The following MAP4K3 variants were observed in gnomAD, a reference collection of about 807,000 sequenced individuals.
The protein encoded by MAP4K3 is MAPK/ERK kinase kinase kinase 3.
In MAP4K3, 94 loss-of-function variants were observed where a neutral mutation model predicts 143.5. The observed-to-expected ratio is 0.65, with a 90% CI of 0.55 to 0.78. The LOEUF (loss-of-function observed/expected upper bound fraction) is 0.78. Ranked by LOEUF, MAP4K3 falls within the 30% of genes least tolerant of loss-of-function variation. The probability of loss-of-function intolerance (pLI) is 0.00; values close to 1 mark genes in which losing one functional copy is unlikely to be tolerated. For missense variants in MAP4K3, 1,077 were observed against 1,068.1 expected (o/e 1.01, Z -0.12); for synonymous variants, 416 against 347.2 (o/e 1.20, Z -2.20).
rs60507971 is a variant in MAP4K3, at chr2:39,398,713, A to AAATAATAATAAT, written c.97-20602_97-20591dup. 7.5e-3 allele frequency among the ~76,000 whole-genome samples: 1,046 copies of AAATAATAATAAT among 140,398 alleles called. 12 individuals are homozygous for AAATAATAATAAT. Among genetic ancestry groups the AAATAATAATAAT allele is most frequent in the East Asian group, 0.025 (124 of 4,882 alleles). The allele number at this position is 140,398 out of a possible 152,430, so 92.1% of individuals were successfully genotyped here. On this transcript the variant is annotated intron_variant, in intron 1 of 33. Coordinates refer to ENST00000263881, the MANE Select transcript of MAP4K3 (RefSeq NM_003618.4). Reference sequence around the variant, plus strand: ...CCTTTGATGGTTTCAGGAATAATTAAAATAATAATAATAATAATAATAATA... The same window carrying AAATAATAATAAT: ...CCTTTGATGGTTTCAGGAATAATTAAAATAATAATAATAATAATAATAATAATAATAATAATA...
intron 1 of MAP4K3, among the ~76,000 whole-genome samples, chr2:39,380,153 C>T (rs552104170): frequency 1.3e-5 from 2 of 152,110 alleles, no homozygotes; most frequent in East Asian, 3.9e-4. Flanking sequence ...GATTACTGTT[C>T]TTTTGCTTTC....
intron 1 of MAP4K3, among the ~76,000 whole-genome samples, chr2:39,428,160 A>G (rs1307080430): frequency 1.3e-5 from 2 of 152,196 alleles, no homozygotes; most frequent in Non-Finnish European, 2.9e-5. Flanking sequence ...TGTTCCATAC[A>G]TGCAGATTTT....
At chr2:39,257,759 A>G (rs950929892) in intron 31 of MAP4K3, among the ~76,000 whole-genome samples, 8 of 144,930 alleles carry the variant, frequency 5.5e-5, no homozygotes, top group African/African-American at 2.1e-4. Context: ...AGACTGCACC[A>G]TTGCACTCCA....
rs1427738038 is a variant in MAP4K3 at position 39,315,441 on chromosome 2, T to A, written c.919-53A>T. 9.0e-5 allele frequency: 114 copies of A among 1,269,908 alleles called. No homozygotes were observed. In the Middle Eastern group the frequency reaches 1.5e-3, roughly 17 times the overall value. 78.7% of individuals were successfully genotyped at this position (1,269,908 alleles called of 1,614,324 possible). A position where few individuals can be genotyped will look rare whatever the true frequency, so the allele number is the denominator to read the frequency against. On this transcript the variant is annotated intron_variant, in intron 12 of 33. Transcript: ENST00000263881. Reference sequence around the variant, plus strand: ...CAGCATTTGATAATCAAGTCATAGTTTGGTCCACAAAATTACCCAAATAGG... The same window carrying A: ...CAGCATTTGATAATCAAGTCATAGTATGGTCCACAAAATTACCCAAATAGG...
chr2:39,392,183 C>CA lies in MAP4K3; in HGVS notation c.97-14061dup, dbSNP rs3086434. Among the ~76,000 whole-genome samples the CA allele has an allele frequency of 5.6e-4, 39 of 69,034 alleles. 2 individuals carry two copies. Among genetic ancestry groups the CA allele is most frequent in the African/African-American group, 1.9e-3 (33 of 17,424 alleles). 45.3% of individuals were successfully genotyped at this position (69,034 alleles called of 152,430 possible). On this transcript the variant is annotated intron_variant, in intron 1 of 33. Transcript: ENST00000263881. ...CTGGCAACAGAACGACACTCCTACTCAAAAAAAAAAAAAAAAAAAAAATTA... is the reference window on the plus strand; with the variant it reads ...CTGGCAACAGAACGACACTCCTACTCAAAAAAAAAAAAAAAAAAAAAAATTA...
At chr2:39,278,806 G>C (rs765082211) in intron 23 of MAP4K3, among the ~76,000 whole-genome samples, 1 of 152,078 alleles carries the variant, frequency 6.6e-6, no homozygotes, top group African/African-American at 2.4e-5. Context: ...CTAAAGACAG[G>C]ATCATGTGCA....
intron 2 of MAP4K3, among the ~76,000 whole-genome samples, chr2:39,362,024 C>A (rs1347054676): frequency 6.6e-6 from 1 of 151,914 alleles, no homozygotes; most frequent in East Asian, 1.9e-4. Flanking sequence ...CAGCAAGTAC[C>A]TTATGAATTA....
intron 7 of MAP4K3, 86 bp from the exon 8 acceptor site, chr2:39,332,075 T>C: frequency 5.9e-6 from 4 of 678,708 alleles, no homozygotes; most frequent in Non-Finnish European, 7.3e-6. Context: ...TTAAAAGTTA[T>C]TTTTATTAAG....
At chr2:39,304,517 A>T (rs1438909679) in intron 15 of MAP4K3, among the ~76,000 whole-genome samples, 1 of 152,242 alleles carries the variant, frequency 6.6e-6, no homozygotes, top group Non-Finnish European at 1.5e-5. Flanking sequence ...CTTTATACCC[A>T]TTAGGATAGC....
intron 8 of MAP4K3, among the ~76,000 whole-genome samples, chr2:39,329,073 T>G (rs997594315): frequency 1.3e-5 from 2 of 152,206 alleles, no homozygotes; most frequent in African/African-American, 4.8e-5. Flanking sequence ...TAACTTTACC[T>G]AATTCACAAT....
Position 39,325,578 on chromosome 2 carries a change from C to T in MAP4K3, c.858G>A (p.Leu286=), listed in dbSNP as rs1683462480. The T allele has an allele frequency of 2.5e-6, 4 of 1,613,076 alleles. No homozygotes were observed. The highest frequency in any genetic ancestry group is 3.4e-6 in the Non-Finnish European group (4 of 1,179,724). ...HLTRSLAIEL[L]DKVNNPDHST... ...AATGATCTGGATTATTTACTTTATC[C>T]AACAGCTCGATTGCCAAAGACCGTG... Residue 286 remains leucine (L), a synonymous_variant, in exon 12 of 34, where the codon TTG becomes TTA. Transcript: ENST00000263881.
At chr2:39,273,526 A>C (rs967526688) in intron 24 of MAP4K3, among the ~76,000 whole-genome samples, 10 of 73,228 alleles carry the variant, frequency 1.4e-4, no homozygotes, top group African/African-American at 2.4e-4. Flanking sequence ...AGAATGGAAT[A>C]GAGAGGACCC....
intron 6 of MAP4K3, among the ~76,000 whole-genome samples, chr2:39,335,710 T>G (rs150597047): frequency 1.3e-5 from 2 of 152,210 alleles, no homozygotes; most frequent in Non-Finnish European, 2.9e-5. Flanking sequence ...CTCATCTTCC[T>G]GTGAGCTCTT....
intron 1 of MAP4K3, among the ~76,000 whole-genome samples, chr2:39,410,239 A>T (rs1050919908): frequency 1.3e-5 from 2 of 152,174 alleles, no homozygotes; most frequent in African/African-American, 4.8e-5. Context: ...CATCATCTAC[A>T]CATAAGAGGC....
intron 8 of MAP4K3, among the ~76,000 whole-genome samples, chr2:39,329,352 T>C (rs534073136): frequency 6.6e-6 from 1 of 152,276 alleles, no homozygotes; most frequent in South Asian, 2.1e-4. Flanking sequence ...CATACCATCT[T>C]TGAAAAGTCC....
At chr2:39,401,392 C>T (rs1182868822) in intron 1 of MAP4K3, among the ~76,000 whole-genome samples, 1 of 152,104 alleles carries the variant, frequency 6.6e-6, no homozygotes, top group Non-Finnish European at 1.5e-5. Flanking sequence ...GACTGGAAAA[C>T]TTCATAATTT....
chr2:39,319,269 AC>A (rs1255849365), intron 12 of MAP4K3, among the ~76,000 whole-genome samples: 1 of 151,742 alleles, frequency 6.6e-6, no homozygotes, highest in Non-Finnish European at 1.5e-5. Context: ...GAACCTCCTT[AC>A]CCCAATTTTC....
chr2:39,386,211 T>C (rs534972654), intron 1 of MAP4K3, among the ~76,000 whole-genome samples: 4 of 152,280 alleles, frequency 2.6e-5, no homozygotes, highest in Non-Finnish European at 5.9e-5. Context: ...CATGTGAAGA[T>C]GCACCAAGAA....
intron 8 of MAP4K3, among the ~76,000 whole-genome samples, chr2:39,330,682 C>G (rs1683653977): frequency 6.6e-6 from 1 of 152,016 alleles, no homozygotes; most frequent in Non-Finnish European, 1.5e-5. Context: ...CGACAAAAAT[C>G]AGCACTGACA....
Sources: allele counts gnomAD v4.1 joint callset (sites outside exome capture counted in the v4.1 genomes callset), GRCh38; gene constraint gnomAD v4.1.1; transcripts MANE v1.5; gene names NCBI Gene and HGNC (gene_info 2026-07-23, HGNC 2026-07-21).